Variants in LRRTM4 observed in about 807,000 individuals in gnomAD.
LRRTM4 encodes the protein leucine-rich repeat transmembrane neuronal protein 4.
A neutral mutation model predicts 47.6 loss-of-function variants in LRRTM4; 25 were observed. The observed-to-expected ratio is 0.53, with a 90% CI of 0.38 to 0.73. The LOEUF (loss-of-function observed/expected upper bound fraction) is 0.73. Among genes scored for constraint, LRRTM4 ranks in the 30% least tolerant of loss-of-function variants. The pLI, the probability that LRRTM4 is intolerant of heterozygous loss-of-function variation, is 0.00. For missense variants in LRRTM4, 638 were observed against 713.4 expected (o/e 0.89, Z 1.20); for synonymous variants, 311 against 269.5 (o/e 1.15, Z -1.51).
At chr2:77,161,022 T>C (rs1336259178) in intron 3 of LRRTM4, among the ~76,000 whole-genome samples, 1 of 152,170 alleles carries the variant, frequency 6.6e-6, no homozygotes, top group Non-Finnish European at 1.5e-5. Flanking sequence ...CCTTAGATCA[T>C]GCAGACCCCC....
chr2:76,898,220 G>A (rs1021621579), intron 3 of LRRTM4, among the ~76,000 whole-genome samples: 1 of 152,022 alleles, frequency 6.6e-6, no homozygotes, highest in Non-Finnish European at 1.5e-5. Flanking sequence ...AAATTCATGA[G>A]AGTGCTTTGA....
intron 3 of LRRTM4, among the ~76,000 whole-genome samples, chr2:77,356,740 A>C (rs552495265): frequency 2.0e-5 from 3 of 152,304 alleles, no homozygotes; most frequent in African/African-American, 7.2e-5. Flanking sequence ...ATAAAACCAA[A>C]AACCTGAAAT....
intron 3 of LRRTM4, among the ~76,000 whole-genome samples, chr2:77,347,630 T>C (rs1351153691): frequency 6.6e-6 from 1 of 152,082 alleles, no homozygotes; most frequent in Non-Finnish European, 1.5e-5. Context: ...TAAAATATAA[T>C]AAAAATGAAT....
chr2:77,501,527 T>G (rs1322386609), intron 3 of LRRTM4, among the ~76,000 whole-genome samples: 1 of 150,940 alleles, frequency 6.6e-6, no homozygotes, highest in Non-Finnish European at 1.5e-5. Context: ...ATAAAAAGCA[T>G]GAGACTATTA....
chr2:76,802,086 A>G (rs1283386777), intron 3 of LRRTM4, among the ~76,000 whole-genome samples: 2 of 152,154 alleles, frequency 1.3e-5, no homozygotes, highest in African/African-American at 4.8e-5. Context: ...CACTATTGCC[A>G]CTTTTATTCA....
chr2:77,401,576 G>A (rs1403251668), intron 3 of LRRTM4, among the ~76,000 whole-genome samples: 2 of 151,820 alleles, frequency 1.3e-5, no homozygotes, highest in African/African-American at 2.4e-5. Context: ...TGACAGATAA[G>A]AGGTGCTAAA....
At chr2:76,883,584 G>A (rs192342356) in intron 3 of LRRTM4, among the ~76,000 whole-genome samples, 5 of 152,280 alleles carry the variant, frequency 3.3e-5, no homozygotes, top group African/African-American at 1.2e-4. Context: ...GAACTGGGAA[G>A]AGGAAGACTC....
chr2:77,234,362 T>G lies in LRRTM4; in HGVS notation c.1551+283956A>C, dbSNP rs189830476. ...CTCCTTGGAAAAGAGATTTCTCTCC[T>G]TAGCTCACAAAATGGAATCACTATA... On this transcript the variant is annotated intron_variant, in intron 3 of 3. Coordinates refer to ENST00000409884, the MANE Select transcript of LRRTM4 (RefSeq NM_001134745.3). Among the ~76,000 whole-genome samples, 210 of 152,318 alleles carry G rather than the reference T, an allele frequency of 1.4e-3. 2 individuals carry two copies. The highest frequency in any genetic ancestry group is 4.8e-3 in the African/African-American group (198 of 41,568).
intron 3 of LRRTM4, among the ~76,000 whole-genome samples, chr2:77,514,395 C>A (rs1480820633): frequency 6.6e-6 from 1 of 151,998 alleles, no homozygotes; most frequent in Non-Finnish European, 1.5e-5. Flanking sequence ...GTTGTTTGAA[C>A]CTGACCTAAC....
chr2:77,213,824 G>A (rs1005718644), intron 3 of LRRTM4, among the ~76,000 whole-genome samples: 9 of 152,040 alleles, frequency 5.9e-5, no homozygotes, highest in Non-Finnish European at 1.0e-4. Flanking sequence ...TCCTTTGTTT[G>A]CTGAGACTCC....
chr2:76,866,337 G>A (rs1440490287), intron 3 of LRRTM4, among the ~76,000 whole-genome samples: 4 of 152,170 alleles, frequency 2.6e-5, no homozygotes, highest in African/African-American at 9.7e-5. Context: ...AAACAATTAT[G>A]ATGCAGTGAT....
At chr2:76,770,477 T>C (rs758057603) in intron 3 of LRRTM4, among the ~76,000 whole-genome samples, 1 of 152,190 alleles carries the variant, frequency 6.6e-6, no homozygotes, top group Non-Finnish European at 1.5e-5. Context: ...CTTGTACCTA[T>C]GTAACCCCCA....
intron 3 of LRRTM4, among the ~76,000 whole-genome samples, chr2:77,108,500 TTAAA>T (rs1183318269): frequency 2.0e-5 from 3 of 151,920 alleles, no homozygotes; most frequent in South Asian, 4.1e-4. Context: ...TTTTAATTTC[TTAAA>T]TAACTTCTTC....
chr2:77,500,016 T>C (rs1345463156), intron 3 of LRRTM4, among the ~76,000 whole-genome samples: 2 of 151,814 alleles, frequency 1.3e-5, no homozygotes, highest in Non-Finnish European at 2.9e-5. Flanking sequence ...CTTCTTTTTA[T>C]AGCTTAGAGT....
At chr2:77,139,592 A>G (rs772742786) in intron 3 of LRRTM4, among the ~76,000 whole-genome samples, 5 of 152,030 alleles carry the variant, frequency 3.3e-5, no homozygotes, top group Admixed American at 6.5e-5. Context: ...CTCTCTCACT[A>G]CTCCTATTCA....
At chr2:76,832,454 CTTTTTTTTTT>C (rs541805872) in intron 3 of LRRTM4, among the ~76,000 whole-genome samples, 3 of 94,042 alleles carry the variant, frequency 3.2e-5, no homozygotes, top group African/African-American at 1.2e-4. Context: ...CCTCGAAGGG[CTTTTTTTTTT>C]TTTTTTTTTT....
chr2:77,022,305 GA>G (rs1678302735), intron 3 of LRRTM4, among the ~76,000 whole-genome samples: 2 of 152,132 alleles, frequency 1.3e-5, no homozygotes, highest in Admixed American at 6.5e-5. Flanking sequence ...GGAATTATGG[GA>G]GTATAAATCA....
intron 3 of LRRTM4, among the ~76,000 whole-genome samples, chr2:77,089,782 A>T (rs1291137453): frequency 1.3e-5 from 2 of 152,150 alleles, no homozygotes; most frequent in Admixed American, 6.5e-5. Context: ...ACTCGACAGT[A>T]GTTCCAAATA....
chr2:76,901,599 A>C (rs912442290), intron 3 of LRRTM4, among the ~76,000 whole-genome samples: 1 of 152,100 alleles, frequency 6.6e-6, no homozygotes, highest in African/African-American at 2.4e-5. Context: ...TGTAAAAAAA[A>C]ATTTTTAAAG....
Sources: gnomAD v4.1 joint callset for allele counts (sites outside exome capture counted in the v4.1 genomes callset) on GRCh38, gnomAD v4.1.1 for gene constraint, MANE v1.5 for transcripts, NCBI Gene and HGNC (gene_info 2026-07-23, HGNC 2026-07-21) for gene names.